Variants in STOX2 observed in about 807,000 individuals in gnomAD.
STOX2 encodes storkhead-box protein 2.
In STOX2, 28 loss-of-function variants were observed where a neutral mutation model predicts 60.9. That is an observed-to-expected ratio of 0.46 (90% CI 0.34 to 0.63). The LOEUF is 0.63. Ranked by LOEUF, STOX2 falls within the 30% of genes least tolerant of loss-of-function variation. STOX2 has a pLI of 0.01. For missense variants in STOX2, 1,024 were observed against 1,187.7 expected, an observed-to-expected ratio of 0.86 and a Z score of 2.03; for synonymous variants, 472 against 463.9, an observed-to-expected ratio of 1.02 and a Z score of -0.22.
chr4:183,831,539 T>C (rs1739568518), intron 1 of STOX2, among the ~76,000 whole-genome samples: 1 of 151,822 alleles, frequency 6.6e-6, no homozygotes, highest in Non-Finnish European at 1.5e-5. Context: ...ACTTAAATAA[T>C]TGCGAAAAGA....
chr4:183,992,554 T>C (rs932738767), intron 1 of STOX2, among the ~76,000 whole-genome samples: 1 of 152,248 alleles, frequency 6.6e-6, no homozygotes, highest in South Asian at 2.1e-4. Flanking sequence ...TCTTATGTGA[T>C]GCACTTAAGG....
upstream of STOX2, among the ~76,000 whole-genome samples, chr4:183,904,642 C>A (rs2111077349): frequency 6.6e-6 from 1 of 152,272 alleles, no homozygotes; most frequent in African/African-American, 2.4e-5. Flanking sequence ...TATTTATTTA[C>A]CCTGGGTATC....
intron 1 of STOX2, among the ~76,000 whole-genome samples, chr4:183,851,038 G>C (rs1740113477): frequency 1.4e-5 from 2 of 140,806 alleles, no homozygotes; most frequent in African/African-American, 2.7e-5. Flanking sequence ...ATGAGGGAAA[G>C]GATGAGAGAA....
At chr4:183,819,519 T>C (rs1367359267) in intron 1 of STOX2, among the ~76,000 whole-genome samples, 1 of 139,722 alleles carries the variant, frequency 7.2e-6, no homozygotes, top group Non-Finnish European at 1.5e-5. Flanking sequence ...CGGCTGGGCA[T>C]CAGAGGGAGA....
chr4:183,922,855 C>T (rs1256058095), intron 1 of STOX2, among the ~76,000 whole-genome samples: 1 of 152,106 alleles, frequency 6.6e-6, no homozygotes, highest in East Asian at 1.9e-4. Flanking sequence ...AATTGATTAC[C>T]CCACCTCATC....
At chr4:183,829,875 C>T (rs1163796544) in intron 1 of STOX2, among the ~76,000 whole-genome samples, 1 of 152,182 alleles carries the variant, frequency 6.6e-6, no homozygotes, top group Non-Finnish European at 1.5e-5. Flanking sequence ...CCCAAAGAGA[C>T]ACGAAGAAAA....
At chr4:183,854,521 G>A (rs1389489531) in intron 1 of STOX2, among the ~76,000 whole-genome samples, 1 of 152,150 alleles carries the variant, frequency 6.6e-6, no homozygotes, top group Non-Finnish European at 1.5e-5. Flanking sequence ...TCATGGCAGG[G>A]GGCAGGGGGG....
At position 184,018,377 on chromosome 4, in the gene STOX2, G is replaced by A. The variant is rs1734459945; in HGVS notation, c.*1093G>A. 6.6e-6 allele frequency: 1 copy of A among 152,106 alleles called. No homozygotes were observed. Among genetic ancestry groups the A allele is most frequent in the Non-Finnish European group, 1.5e-5 (1 of 68,016 alleles). The allele number at this position is 152,106 out of a possible 1,614,324, so 9.4% of individuals were successfully genotyped here. A position where few individuals can be genotyped will look rare whatever the true frequency, so the allele number is the denominator to read the frequency against. The stretch of plus-strand genomic sequence containing the variant: ...TGGTTGTAGGAAAGAGCAAATTTAG[G>A]GAGTGTTGAACTTCAGGCCTTTTAT... On this transcript the variant is annotated 3_prime_UTR_variant, in exon 4 of 4. Transcript: ENST00000308497.
intron 1 of STOX2, among the ~76,000 whole-genome samples, chr4:183,916,801 G>A (rs969984105): frequency 3.3e-5 from 5 of 152,146 alleles, no homozygotes; most frequent in East Asian, 1.9e-4. Flanking sequence ...CAACCGTGTC[G>A]TCTTCCTACG....
intron 1 of STOX2, among the ~76,000 whole-genome samples, chr4:183,952,152 A>G (rs773775030): frequency 2.0e-5 from 3 of 152,230 alleles, no homozygotes; most frequent in Non-Finnish European, 4.4e-5. Flanking sequence ...GCAAGTGAAT[A>G]TAAAATGATC....
At chr4:183,954,977 A>T (rs1240867228) in intron 1 of STOX2, among the ~76,000 whole-genome samples, 1 of 152,250 alleles carries the variant, frequency 6.6e-6, no homozygotes, top group Non-Finnish European at 1.5e-5. Flanking sequence ...CTGGGATTAC[A>T]GGCTTGAACT....
intron 1 of STOX2, among the ~76,000 whole-genome samples, chr4:183,848,196 AAGAGCC>A (rs1230527983): frequency 1.3e-5 from 2 of 152,230 alleles, no homozygotes; most frequent in Non-Finnish European, 2.9e-5. Flanking sequence ...ATGAACAGGT[AAGAGCC>A]AGAGTAGTGG....
Position 183,999,311 on chromosome 4 carries a change from C to T in STOX2, c.167-2014C>T, listed in dbSNP as rs1389721384. ...ATGGCCCCAAGTTCACACTCGGTCT[C>T]GCCTGCTACTGCCCCACAAAATATT... On this transcript the variant is annotated intron_variant, in intron 1 of 3. Transcript: ENST00000308497. Among the ~76,000 whole-genome samples the T allele has an allele frequency of 3.3e-5, 5 of 152,128 alleles. No homozygotes were observed. The East Asian group carries it at 7.7e-4, about 23-fold the overall frequency.
At chr4:184,007,738 C>T (rs1466276647) in intron 2 of STOX2, among the ~76,000 whole-genome samples, 1 of 152,156 alleles carries the variant, frequency 6.6e-6, no homozygotes, top group African/African-American at 2.4e-5. Context: ...CTGTGAGGGC[C>T]CTGTCCTCGG....
chr4:183,946,657 G>T (rs911031186), intron 1 of STOX2, among the ~76,000 whole-genome samples: 1 of 142,896 alleles, frequency 7.0e-6, no homozygotes, highest in African/African-American at 2.6e-5. Flanking sequence ...ATGGAGTCTC[G>T]CTCTGTCGCA....
At position 183,949,559 on chromosome 4, in the gene STOX2, G is replaced by A. The variant is rs1014739341; in HGVS notation, c.166+42603G>A. ...CTAAAAATACAAAAATTAGCTGGGCGTGGTGGCAGGTGCCTGTAATCCCAG... is the reference window on the plus strand; with the variant it reads ...CTAAAAATACAAAAATTAGCTGGGCATGGTGGCAGGTGCCTGTAATCCCAG... On this transcript the variant is annotated intron_variant, in intron 1 of 3. Transcript: ENST00000308497. 2.6e-5 allele frequency among the ~76,000 whole-genome samples: 4 copies of A among 152,046 alleles called. No homozygotes were observed. In the South Asian group the frequency reaches 6.2e-4, roughly 24 times the overall value.
At chr4:183,995,291 CTTTTTTTTTTTTTTTTTTTTT>C (rs61681165) in intron 1 of STOX2, among the ~76,000 whole-genome samples, 3 of 79,480 alleles carry the variant, frequency 3.8e-5, no homozygotes, top group South Asian at 4.4e-4. Flanking sequence ...TTATTTTAGT[CTTTTTTTTTTTTTTTTTTTTT>C]TTTTTTTTTT....
chr4:183,935,202 C>T (rs572851296), intron 1 of STOX2, among the ~76,000 whole-genome samples: 1 of 152,362 alleles, frequency 6.6e-6, no homozygotes, highest in Non-Finnish European at 1.5e-5. Context: ...GGGAAGCCCG[C>T]TCAGGAGCGT....
At chr4:183,958,697 G>C (rs888390612) in intron 1 of STOX2, among the ~76,000 whole-genome samples, 7 of 152,174 alleles carry the variant, frequency 4.6e-5, no homozygotes, top group Non-Finnish European at 1.0e-4. Context: ...CTTGAAGTAA[G>C]AAGACAGAGA....
Sources: allele counts gnomAD v4.1 joint callset (sites outside exome capture counted in the v4.1 genomes callset), GRCh38; gene constraint gnomAD v4.1.1; transcripts MANE v1.5; gene names NCBI Gene and HGNC (gene_info 2026-07-23, HGNC 2026-07-21).